MYH10: variants seen among roughly 807,000 people sequenced by gnomAD.
MYH10 encodes myosin-10.
Under a neutral mutation model 257.8 loss-of-function variants are expected in MYH10, and 55 were observed. The observed-to-expected ratio is 0.21, with a 90% CI of 0.17 to 0.27. MYH10 has a LOEUF of 0.27. Ranked by LOEUF, MYH10 falls within the 10% of genes least tolerant of loss-of-function variation. The pLI, the probability that MYH10 is intolerant of heterozygous loss-of-function variation, is 1.00. For missense variants in MYH10, 1,631 were observed against 2,500.6 expected (o/e 0.65, Z 7.42); for synonymous variants, 854 against 921.7 (o/e 0.93, Z 1.33).
rs777479790 is a variant in MYH10, at chr17:8,521,193, C to T, written c.2050G>A (p.Val684Ile). 1.2e-5 allele frequency: 19 copies of T among 1,614,164 alleles called. No individual in the cohort carries two copies. The highest frequency in any genetic ancestry group is 3.3e-5 in the Admixed American group (2 of 60,030). ...AGAGATTCTTTGTAGAGTTGCCCAA[C>T]GGTACGAAACATGCCCTTCTTGGTT... ...YKTKKGMFRT[V>I]GQLYKESLTK... The change falls in exon 18 of 43, where the codon GTT (valine) becomes ATT (isoleucine). Residue 684 changes from valine (V) to isoleucine (I), a missense_variant. This residue lies in a region of MYH10 where 96 missense variants were observed against 146.2 expected (regional missense o/e 0.66). Transcript: ENST00000360416.
At chr17:8,511,068 AC>A (rs2081275849) in intron 24 of MYH10, 2 of 55,680 alleles carry the variant, frequency 3.6e-5, no homozygotes, top group Non-Finnish European at 7.3e-5. Flanking sequence ...ATACACACAT[AC>A]ATACATACAC....
chr17:8,573,063 C>G (rs2083399571), intron 6 of MYH10, among the ~76,000 whole-genome samples: 1 of 152,084 alleles, frequency 6.6e-6, no homozygotes, highest in Admixed American at 6.6e-5. Context: ...AAACAAGCAG[C>G]CTTAGCTATT....
At chr17:8,622,844 A>G in intron 2 of MYH10, 58 bp downstream of exon 2, 1 of 1,551,130 alleles carries the variant, frequency 6.4e-7, no homozygotes, top group South Asian at 1.2e-5. Context: ...GACAAGATGT[A>G]TAATTTACAT....
intron 2 of MYH10, among the ~76,000 whole-genome samples, chr17:8,606,049 T>G (rs1436055543): frequency 1.3e-5 from 2 of 151,872 alleles, no homozygotes; most frequent in Admixed American, 1.3e-4. Flanking sequence ...TTTAAATGAA[T>G]TAATAAAGAT....
intron 30 of MYH10, among the ~76,000 whole-genome samples, chr17:8,497,880 A>G (rs921911523): frequency 2.6e-5 from 4 of 152,002 alleles, no homozygotes; most frequent in Non-Finnish European, 5.9e-5. Flanking sequence ...ATACAGTGTA[A>G]CAACTTTTTA....
At chr17:8,534,132 A>G (rs970126063) in intron 16 of MYH10, among the ~76,000 whole-genome samples, 1 of 152,190 alleles carries the variant, frequency 6.6e-6, no homozygotes, top group Admixed American at 6.5e-5. Context: ...CTCTGAGGAT[A>G]CTGTAAGTTC....
chr17:8,511,019 T>TATATATATATATATATAC (rs1567822909), intron 24 of MYH10: 7 of 3,536 alleles, frequency 2.0e-3, no homozygotes, highest in East Asian at 0.013. Flanking sequence ...GTACCCCATA[T>TATATATATATATATATAC]ATATATATAT....
chr17:8,570,951 G>A (rs111292051), intron 6 of MYH10, among the ~76,000 whole-genome samples: 45 of 152,274 alleles, frequency 3.0e-4, no homozygotes, highest in African/African-American at 1.1e-3. Context: ...ATCCATTACA[G>A]CATGATCTGG....
rs552967277 is a variant in MYH10 at position 8,625,746 on chromosome 17, G to C, written c.-31-2469C>G. ...TCCACCTGCCTCGGCCTCCCAAAGT[G>C]CTGGGATTACAAGCGTGAGCCACCG... On this transcript the variant is annotated intron_variant, in intron 1 of 42. Coordinates refer to ENST00000360416, the MANE Select transcript of MYH10 (RefSeq NM_001256012.3). Among the ~76,000 whole-genome samples, 136 of 152,256 alleles carry C rather than the reference G, an allele frequency of 8.9e-4. 1 individual carries two copies. Among genetic ancestry groups the C allele is most frequent in the African/African-American group, 3.1e-3 (128 of 41,540 alleles).
chr17:8,589,405 G>A (rs138404016), intron 3 of MYH10, among the ~76,000 whole-genome samples: 2 of 152,146 alleles, frequency 1.3e-5, no homozygotes, highest in East Asian at 1.9e-4. Flanking sequence ...AAACCCTGCC[G>A]CATACAAATT....
intron 2 of MYH10, among the ~76,000 whole-genome samples, chr17:8,613,614 A>T (rs1307556163): frequency 6.6e-6 from 1 of 152,226 alleles, no homozygotes; most frequent in African/African-American, 2.4e-5. Flanking sequence ...GTGAAAAGAC[A>T]GAATAATAAA....
At chr17:8,501,747 C>T (rs1189049803) in intron 28 of MYH10, among the ~76,000 whole-genome samples, 1 of 152,118 alleles carries the variant, frequency 6.6e-6, no homozygotes, top group Admixed American at 6.5e-5. Context: ...GGTCTATGGC[C>T]AGAGAATTGG....
intron 2 of MYH10, among the ~76,000 whole-genome samples, chr17:8,610,389 G>A (rs962883906): frequency 6.8e-6 from 1 of 147,642 alleles, no homozygotes; most frequent in Non-Finnish European, 1.5e-5. Flanking sequence ...AGGAGTTCAA[G>A]ACTAGCCTGG....
intron 2 of MYH10, among the ~76,000 whole-genome samples, chr17:8,607,043 GCTTTATT>G (rs1331408030): frequency 1.3e-5 from 2 of 152,072 alleles, no homozygotes; most frequent in Non-Finnish European, 2.9e-5. Flanking sequence ...AAAAATAAAG[GCTTTATT>G]AAGGCTGAGA....
chr17:8,552,137 C>T lies in MYH10; in HGVS notation c.828G>A (p.Leu276=). 6.5e-7 allele frequency: 1 copy of T among 1,550,264 alleles called. No individual in the cohort carries two copies. The highest frequency in any genetic ancestry group is 1.3e-5 in the South Asian group (1 of 77,558). ...IVGANIETYL[L]EKSRAVRQAK... ...CTTGACGAACAGCACGAGACTTTTC[C>T]AGAAGGTCTGAGCAAAGACAGTTAA... The change falls in exon 9 of 43, where the codon CTG becomes CTA. Residue 276 remains leucine, a synonymous_variant. Transcript: ENST00000360416. This position sits in a 1 kb window ranked among gnomAD's most constrained non-coding sequence, Gnocchi z 4.8.
chr17:8,571,541 G>T (rs1009189802), intron 6 of MYH10, among the ~76,000 whole-genome samples: 1 of 152,056 alleles, frequency 6.6e-6, no homozygotes, highest in African/African-American at 2.4e-5. Context: ...CCAAAACTTT[G>T]CGAGGCCAAG....
Position 8,623,149 on chromosome 17 carries a change from T to C in MYH10, c.98A>G (p.Lys33Arg), listed in dbSNP as rs780207864. The change falls in exon 2 of 43, where the codon AAA becomes AGA. Residue 33 changes from lysine to arginine, a missense_variant. By Grantham distance (26) the Lys-to-Arg change is conservative (BLOSUM62 2). Around this residue, in one of 11 missense-constraint regions of MYH10, gnomAD observed 360 missense variants for 581.9 expected, o/e 0.62. Transcript: ENST00000360416. ...NPATQADWTA[K>R]KLVWIPSERH... The stretch of plus-strand genomic sequence containing the variant: ...TTCTGATGGAATCCACACTAGCTTT[T>C]TAGCTGTCCAATCAGCTTGAGTGGC... 21 of 1,613,840 alleles carry C rather than the reference T, an allele frequency of 1.3e-5. No homozygotes were observed. In the African/African-American group the frequency reaches 2.4e-4, roughly 18 times the overall value.
At position 8,506,175 on chromosome 17, in the gene MYH10, CT is replaced by C; in HGVS notation, c.3386+142del. The C allele has an allele frequency of 1.3e-6, 1 of 758,056 alleles. No homozygotes were observed. The highest frequency in any genetic ancestry group is 3.0e-5 in the East Asian group (1 of 33,832). The allele number at this position is 758,056 out of a possible 1,614,324, so 47.0% of individuals were successfully genotyped here. On this transcript the variant is annotated intron_variant, in intron 27 of 42. Transcript: ENST00000360416. The surrounding 1 kb of genome is among the most constrained non-coding windows in gnomAD (Gnocchi z 5.0). ...CTGACACAAATTCTGTACGCCTGGG[CT>C]TTTCACTTTCTCAGGTCACACCAAA...
rs894486594 is a variant in MYH10 at position 8,490,963 on chromosome 17, A to C, written c.4672-411T>G. ...TGTAGAGAAGATCATTCGTATTGAA[A>C]AGCACATGTGGAAACTGCTGATTAT... On this transcript the variant is annotated intron_variant, in intron 34 of 42. Transcript: ENST00000360416. The surrounding 1 kb of genome is among the most constrained non-coding windows in gnomAD (Gnocchi z 4.1). Among the ~76,000 whole-genome samples, 1 of 152,242 alleles carries C rather than the reference A, an allele frequency of 6.6e-6. No individual in the cohort carries two copies. The highest frequency in any genetic ancestry group is 2.4e-5 in the African/African-American group (1 of 41,466).
Sources: allele counts gnomAD v4.1 joint callset (sites outside exome capture counted in the v4.1 genomes callset), GRCh38; gene constraint gnomAD v4.1.1; regional missense constraint gnomAD v4.1.1; non-coding constraint Gnocchi (gnomAD v3.1); transcripts MANE v1.5; gene names NCBI Gene and HGNC (gene_info 2026-07-23, HGNC 2026-07-21).